Variants in FAAH2 observed in about 807,000 individuals in gnomAD.
FAAH2 encodes fatty acid amide hydrolase 2, also known as fatty-acid amide hydrolase 2.
Under a neutral mutation model 36.9 loss-of-function variants are expected in FAAH2, and 60 were observed. That is an observed-to-expected ratio of 1.63 (90% CI 1.32 to 2.02). The LOEUF (loss-of-function observed/expected upper bound fraction) is 2.02. Among genes scored for constraint, FAAH2 ranks in the 30% most tolerant of loss-of-function variants. The pLI is 0.00. For missense variants in FAAH2, 689 were observed against 397.5 expected (o/e 1.73, Z -6.23); for synonymous variants, 214 against 143.8 (o/e 1.49, Z -3.49).
chrX:57,232,687 T>C, the FAAH2 span, among the ~76,000 whole-genome samples: 42 of 112,251 alleles, frequency 3.7e-4, 1 homozygote, highest in South Asian at 0.016. Context: ...ACTTCATAGG[T>C]ACAATCCATT....
chrX:57,471,026 G>A (rs1050942651), intron 10 of FAAH2, among the ~76,000 whole-genome samples: 2 of 111,352 alleles, frequency 1.8e-5, no homozygotes, highest in South Asian at 7.5e-4. Context: ...GCAGAAAAGG[G>A]CTTCAACAAT....
chrX:57,459,141 G>A (rs2056914143), intron 10 of FAAH2, among the ~76,000 whole-genome samples: 1 of 112,413 alleles, frequency 8.9e-6, no homozygotes, highest in Admixed American at 9.4e-5. Context: ...TAGCTTGGTG[G>A]GGGGAGGGGC....
intron 7 of FAAH2, among the ~76,000 whole-genome samples, chrX:57,412,916 C>T (rs1353435485): frequency 8.9e-6 from 1 of 112,406 alleles, no homozygotes; most frequent in East Asian, 2.8e-4. Flanking sequence ...GATCGCCATT[C>T]TAACTAACAT....
chrX:57,231,243 G>A, the FAAH2 span, among the ~76,000 whole-genome samples: 6 of 110,568 alleles, frequency 5.4e-5, no homozygotes, highest in African/African-American at 1.6e-4. Context: ...GGCCATTATA[G>A]GTCAAGATCA....
chrX:57,330,675 C>T (rs896529972), intron 3 of FAAH2, among the ~76,000 whole-genome samples: 6 of 111,468 alleles, frequency 5.4e-5, no homozygotes, highest in Admixed American at 9.5e-5. Context: ...CGGAACCTAC[C>T]GACATGTGAT....
At chrX:57,471,605 A>T (rs1431517338) in intron 10 of FAAH2, among the ~76,000 whole-genome samples, 1 of 112,061 alleles carries the variant, frequency 8.9e-6, no homozygotes, top group Non-Finnish European at 1.9e-5. Context: ...ATGCACATAA[A>T]TGGAAGAACA....
intron 3 of FAAH2, among the ~76,000 whole-genome samples, chrX:57,316,533 C>A (rs1051585056): frequency 9.0e-6 from 1 of 111,125 alleles, no homozygotes; most frequent in Admixed American, 9.6e-5. Context: ...GACACATAGA[C>A]CAATGGAACA....
At chrX:57,168,061 TTAC>T in the FAAH2 span, among the ~76,000 whole-genome samples, 3 of 112,192 alleles carry the variant, frequency 2.7e-5, no homozygotes, top group South Asian at 1.1e-3. Flanking sequence ...GTTTAAATGA[TTAC>T]TTTTAGTAAT....
intron 8 of FAAH2, among the ~76,000 whole-genome samples, chrX:57,436,139 G>C (rs151061487): frequency 9.0e-6 from 1 of 111,011 alleles, no homozygotes; most frequent in Non-Finnish European, 1.9e-5. Flanking sequence ...AGAAATTAAG[G>C]TGGAAATTAT....
the FAAH2 span, among the ~76,000 whole-genome samples, chrX:57,150,612 G>C: frequency 1.8e-5 from 2 of 111,631 alleles, no homozygotes; most frequent in South Asian, 7.6e-4. Context: ...CCATTTGCTT[G>C]GTAGATCTTC....
intron 10 of FAAH2, among the ~76,000 whole-genome samples, chrX:57,468,389 G>A (rs1028573007): frequency 9.0e-6 from 1 of 111,731 alleles, no homozygotes; most frequent in South Asian, 3.7e-4. Flanking sequence ...AACCAGTGTA[G>A]AGAAGTCCTT....
the FAAH2 span, among the ~76,000 whole-genome samples, chrX:57,205,743 G>C: frequency 2.7e-5 from 3 of 112,221 alleles, no homozygotes; most frequent in Admixed American, 9.4e-5. Context: ...AATCCAATTA[G>C]TTAATTTCAA....
At chrX:57,275,556 T>C in the FAAH2 span, among the ~76,000 whole-genome samples, 9 of 112,263 alleles carry the variant, frequency 8.0e-5, no homozygotes, top group South Asian at 3.0e-3. Context: ...AACGAGAGGA[T>C]CAAATTCACA....
the FAAH2 span, among the ~76,000 whole-genome samples, chrX:57,241,927 G>A: frequency 6.1e-4 from 68 of 111,064 alleles, no homozygotes; most frequent in African/African-American, 2.0e-3. Flanking sequence ...TGAAAGAAAG[G>A]CAACAGCCCC....
chrX:57,408,045 C>T (rs2055610772), intron 7 of FAAH2, among the ~76,000 whole-genome samples: 1 of 111,327 alleles, frequency 9.0e-6, no homozygotes. Flanking sequence ...GTTTTGATTA[C>T]TATAGCTTTG....
intron 8 of FAAH2, among the ~76,000 whole-genome samples, chrX:57,436,151 G>A (rs1263358162): frequency 9.0e-6 from 1 of 110,821 alleles, no homozygotes; most frequent in Non-Finnish European, 1.9e-5. Flanking sequence ...GGAAATTATA[G>A]CAATTTTTGA....
intron 5 of FAAH2, among the ~76,000 whole-genome samples, chrX:57,375,014 T>A (rs1005277719): frequency 9.0e-6 from 1 of 111,544 alleles, no homozygotes; most frequent in African/African-American, 3.3e-5. Context: ...TTCCATTTAA[T>A]GACACAAGTC....
rs772024447 is a variant in FAAH2, at chrX:57,321,634, T to C, written c.413-9964T>C. ...CTCAATTTTTAAAATTTTGAGCCAA[T>C]GGATGTCATTGCATGTAATATGGGT... On this transcript the variant is annotated intron_variant, in intron 3 of 10. Transcript: ENST00000374900. 2.0e-4 allele frequency among the ~76,000 whole-genome samples: 22 copies of C among 110,799 alleles called. No individual in the cohort carries two copies. In the East Asian group the frequency reaches 6.0e-3, roughly 30 times the overall value.
chrX:57,212,409 C>A, the FAAH2 span, among the ~76,000 whole-genome samples: 1 of 111,642 alleles, frequency 9.0e-6, no homozygotes, highest in Non-Finnish European at 1.9e-5. Flanking sequence ...ATTCAAAATG[C>A]AGACTTTAAA....
Sources: allele counts gnomAD v4.1 joint callset (sites outside exome capture counted in the v4.1 genomes callset), GRCh38; gene constraint gnomAD v4.1.1; transcripts MANE v1.5; gene names NCBI Gene and HGNC (gene_info 2026-07-23, HGNC 2026-07-21).